Variants in EPB41L4A observed in about 807,000 individuals in gnomAD.
EPB41L4A encodes the protein band 4.1-like protein 4A.
EPB41L4A carries 100 observed loss-of-function variants against 108.6 expected under a neutral mutation model. The observed-to-expected ratio is 0.92, with a 90% CI of 0.78 to 1.09. EPB41L4A has a LOEUF of 1.09. Ranked by LOEUF, EPB41L4A falls within the 50% of genes least tolerant of loss-of-function variation. EPB41L4A has a pLI of 0.00. For synonymous variants in EPB41L4A, 319 were observed against 289.0 expected, an observed-to-expected ratio of 1.10 and a Z score of -1.05; for missense variants, 1,030 against 842.7, an observed-to-expected ratio of 1.22 and a Z score of -2.75.
At chr5:112,199,997 G>A (rs1256366085) in intron 15 of EPB41L4A, among the ~76,000 whole-genome samples, 1 of 152,170 alleles carries the variant, frequency 6.6e-6, no homozygotes, top group African/African-American at 2.4e-5. Flanking sequence ...TGATGTTATT[G>A]TACTTCCTGT....
intron 9 of EPB41L4A, among the ~76,000 whole-genome samples, chr5:112,252,632 G>C (rs1476541231): frequency 6.6e-6 from 1 of 152,058 alleles, no homozygotes; most frequent in Non-Finnish European, 1.5e-5. Flanking sequence ...TCACTTATAA[G>C]TGGGAACTAA....
At chr5:112,352,381 A>T (rs533259346) in intron 1 of EPB41L4A, among the ~76,000 whole-genome samples, 1 of 152,308 alleles carries the variant, frequency 6.6e-6, no homozygotes, top group African/African-American at 2.4e-5. Context: ...ACTCAGGAGC[A>T]TGTTCTTCAA....
intron 1 of EPB41L4A, among the ~76,000 whole-genome samples, chr5:112,369,085 T>C (rs981380433): frequency 3.3e-5 from 5 of 152,180 alleles, no homozygotes; most frequent in Non-Finnish European, 5.9e-5. Flanking sequence ...GTTTCCATAG[T>C]ATTATCGGCT....
chr5:112,229,067 T>A (rs1227609763), intron 12 of EPB41L4A, among the ~76,000 whole-genome samples: 1 of 152,230 alleles, frequency 6.6e-6, no homozygotes, highest in African/African-American at 2.4e-5. Flanking sequence ...GTCATCTAGT[T>A]TGATTGAATT....
intron 9 of EPB41L4A, among the ~76,000 whole-genome samples, chr5:112,258,523 T>C (rs1751268085): frequency 6.6e-6 from 1 of 152,232 alleles, no homozygotes; most frequent in Non-Finnish European, 1.5e-5. Context: ...TTTTCACTCA[T>C]GTATCCCATA....
At chr5:112,368,843 T>TC (rs981635976) in intron 1 of EPB41L4A, among the ~76,000 whole-genome samples, 1 of 152,158 alleles carries the variant, frequency 6.6e-6, no homozygotes, top group East Asian at 1.9e-4. Flanking sequence ...AATGCTGCTG[T>TC]CCCTAATGGT....
intron 1 of EPB41L4A, among the ~76,000 whole-genome samples, chr5:112,391,961 T>C (rs1760974528): frequency 1.3e-5 from 2 of 152,180 alleles, no homozygotes; most frequent in Admixed American, 6.5e-5. Flanking sequence ...CAGAATTTCA[T>C]ATACAGCCAA....
At chr5:112,202,043 G>A (rs1762246770) in intron 15 of EPB41L4A, among the ~76,000 whole-genome samples, 1 of 152,138 alleles carries the variant, frequency 6.6e-6, no homozygotes, top group African/African-American at 2.4e-5. Context: ...TATATTCCTG[G>A]ACACTTTGCC....
At chr5:112,245,988 G>C (rs1488116948) in intron 9 of EPB41L4A, among the ~76,000 whole-genome samples, 1 of 152,200 alleles carries the variant, frequency 6.6e-6, no homozygotes, top group African/African-American at 2.4e-5. Flanking sequence ...CTTTGTGAAA[G>C]GGATAGGGAT....
In EPB41L4A at chr5:112,165,039, G is replaced by A. The variant is rs372333096; in HGVS notation, c.2012C>T (p.Ala671Val). ...STNNLAGKHT[A>V]KTIKTIQASR... ...AGCTTGTATAGTTTTTATTGTTTTT[G>A]CTGTGTGTTTTCCAGCCAGGTTGTT... Residue 671 changes from alanine (A) to valine (V), a missense_variant, in exon 23 of 23, where the codon GCA (alanine) becomes GTA (valine). Ala to Val is a moderately conservative substitution (Grantham distance 64). Transcript: ENST00000261486. 11 of 1,613,824 alleles carry A rather than the reference G, an allele frequency of 6.8e-6. No individual in the cohort carries two copies. The highest frequency in any genetic ancestry group is 9.3e-6 in the Non-Finnish European group (11 of 1,179,874).
chr5:112,396,985 T>C (rs1403279517), intron 1 of EPB41L4A, among the ~76,000 whole-genome samples: 1 of 152,252 alleles, frequency 6.6e-6, no homozygotes. Flanking sequence ...GTTTGATTCA[T>C]GGGTATATTG....
chr5:112,372,037 A>T (rs1028315370), intron 1 of EPB41L4A, among the ~76,000 whole-genome samples: 2 of 152,182 alleles, frequency 1.3e-5, no homozygotes, highest in African/African-American at 4.8e-5. Context: ...ATGTTTTTTT[A>T]AAAAAGACAA....
chr5:112,294,546 C>T (rs373651687), intron 2 of EPB41L4A, among the ~76,000 whole-genome samples: 2 of 151,376 alleles, frequency 1.3e-5, no homozygotes, highest in Non-Finnish European at 2.9e-5. Flanking sequence ...TCTGGGGGGT[C>T]GGGGAAAGCT....
At chr5:112,186,856 G>A (rs76000346) in intron 17 of EPB41L4A, among the ~76,000 whole-genome samples, 2 of 152,168 alleles carry the variant, frequency 1.3e-5, no homozygotes, top group African/African-American at 4.8e-5. Flanking sequence ...AGCCCTAGAA[G>A]CAAGAATATT....
At chr5:112,408,013 A>G (rs1383747934) in intron 1 of EPB41L4A, among the ~76,000 whole-genome samples, 1 of 152,180 alleles carries the variant, frequency 6.6e-6, no homozygotes, top group African/African-American at 2.4e-5. Context: ...ACCCACATCT[A>G]CCTTACCAAG....
intron 13 of EPB41L4A, among the ~76,000 whole-genome samples, chr5:112,145,162 A>G (rs112564823): frequency 0.11 from 16,201 of 152,086 alleles, 1,021 homozygotes; most frequent in Non-Finnish European, 0.15. Flanking sequence ...TGGTGGCACA[A>G]ACCTGTAATC....
intron 2 of EPB41L4A, among the ~76,000 whole-genome samples, chr5:112,287,552 A>C (rs72781655): frequency 0.095 from 14,420 of 152,308 alleles, 940 homozygotes; most frequent in Non-Finnish European, 0.15. Context: ...GGATCAAATC[A>C]GTTAACTCTT....
intron 18 of EPB41L4A, among the ~76,000 whole-genome samples, chr5:112,171,651 A>C (rs1760588330): frequency 1.3e-5 from 2 of 152,204 alleles, no homozygotes; most frequent in Non-Finnish European, 2.9e-5. Flanking sequence ...ACTATCTTTA[A>C]CTTCCTAGAA....
intron 9 of EPB41L4A, among the ~76,000 whole-genome samples, chr5:112,251,930 T>A (rs1750705641): frequency 6.6e-6 from 1 of 152,180 alleles, no homozygotes; most frequent in Non-Finnish European, 1.5e-5. Flanking sequence ...TCTTAGGCCC[T>A]CTGTCTTGGC....
Sources: allele counts gnomAD v4.1 joint callset (sites outside exome capture counted in the v4.1 genomes callset), GRCh38; gene constraint gnomAD v4.1.1; transcripts MANE v1.5; gene names NCBI Gene and HGNC (gene_info 2026-07-23, HGNC 2026-07-21).